The following TRA2B variants were observed in gnomAD, a reference collection of about 807,000 sequenced individuals.
The protein encoded by TRA2B is transformer 2 beta homolog, also known as transformer-2 protein homolog beta.
In TRA2B, 14 loss-of-function variants were observed where a neutral mutation model predicts 41.7. That is an observed-to-expected ratio of 0.34 (90% CI 0.22 to 0.53). The LOEUF (loss-of-function observed/expected upper bound fraction) is 0.53. Ranked by LOEUF, TRA2B falls within the 20% of genes least tolerant of loss-of-function variation. The pLI is 0.95. For synonymous variants in TRA2B, 130 were observed against 128.8 expected, an observed-to-expected ratio of 1.01 and a Z score of -0.06; for missense variants, 167 against 396.8, an observed-to-expected ratio of 0.42 and a Z score of 4.92.
At position 185,919,602 on chromosome 3, in the gene TRA2B, G is replaced by A. The variant is rs965881271; in HGVS notation, c.723-106C>T. ...AACTTTCATAGAGCATGAATGAGAT[G>A]TTTCTTGCAGGTCAAGTGATTTGCC... On this transcript the variant is annotated intron_variant, in intron 6 of 8. Transcript: ENST00000453386. The A allele has an allele frequency of 2.7e-5, 24 of 876,678 alleles. No homozygotes were observed. In the African/African-American group the frequency reaches 2.9e-4, roughly 11 times the overall value. The allele number at this position is 876,678 out of a possible 1,614,324, so 54.3% of individuals were successfully genotyped here.
Position 185,915,366 on chromosome 3 carries a change from C to T in TRA2B, c.*2349G>A, listed in dbSNP as rs1190163430. 6.6e-6 allele frequency among the ~76,000 whole-genome samples: 1 copy of T among 152,236 alleles called. No homozygotes were observed. On this transcript the variant is annotated 3_prime_UTR_variant, in exon 9 of 9. Coordinates refer to ENST00000453386, the MANE Select transcript of TRA2B (RefSeq NM_004593.3). ...GTTTGTATTGGCATATAAAAGCCTC[C>T]AAGTCCCTTTGCCTTGAGGCAGTAA...
chr3:185,921,423 C>G (rs372653947), intron 5 of TRA2B, among the ~76,000 whole-genome samples: 8 of 152,162 alleles, frequency 5.3e-5, no homozygotes, highest in African/African-American at 1.4e-4. Flanking sequence ...ATCTGCATAT[C>G]CCACATATTT....
At chr3:185,924,058 T>G in intron 3 of TRA2B, 74 bp from the exon 4 acceptor site, 1 of 1,345,370 alleles carries the variant, frequency 7.4e-7, no homozygotes, top group Non-Finnish European at 1.0e-6. Flanking sequence ...GGGAGCTGTA[T>G]ACTAGCCAAA....
chr3:185,923,080 G>A (rs1019565065), intron 4 of TRA2B: 1 of 152,326 alleles, frequency 6.6e-6, no homozygotes, highest in Non-Finnish European at 1.5e-5. Context: ...TTGGGAGTTC[G>A]AGACCACCCT....
In TRA2B at chr3:185,919,514, C is replaced by A; in HGVS notation, c.723-18G>T. On this transcript the variant is annotated intron_variant, in intron 6 of 8. Transcript: ENST00000453386. The stretch of plus-strand genomic sequence containing the variant: ...CTCCTCCTCTGTGAAGACAGAAAGG[C>A]AACACAACACGCATTCAGTTTGTAA... 1 of 1,601,734 alleles carries A rather than the reference C, an allele frequency of 6.2e-7. No homozygotes were observed.
intron 1 of TRA2B, chr3:185,931,427 TTAAC>T (rs879673263): frequency 4.4e-5 from 20 of 455,274 alleles, no homozygotes; most frequent in Non-Finnish European, 5.8e-5. Context: ...TTTCAATCAT[TTAAC>T]TAAGCAGTTA....
chr3:185,918,552 G>GCATGA, intron 7 of TRA2B, 114 bp from the exon 8 acceptor site: 2 of 593,624 alleles, frequency 3.4e-6, no homozygotes, highest in South Asian at 5.7e-5. Context: ...AAGGAAAGCT[G>GCATGA]CATGAACCTT....
At chr3:185,925,771 T>G (rs1205328851) in intron 2 of TRA2B, 145 bp from the exon 3 acceptor site, 1 of 827,564 alleles carries the variant, frequency 1.2e-6, no homozygotes, top group African/African-American at 1.8e-5. Flanking sequence ...AATACTTTTC[T>G]TCTCTAATTA....
intron 4 of TRA2B, chr3:185,922,384 C>T: frequency 7.0e-6 from 2 of 284,742 alleles, no homozygotes; most frequent in Non-Finnish European, 1.3e-5. Flanking sequence ...CAAAGCAGCA[C>T]ACAATTGGCA....
chr3:185,932,420 T>G (rs1407320005), intron 1 of TRA2B, among the ~76,000 whole-genome samples: 1 of 152,148 alleles, frequency 6.6e-6, no homozygotes, highest in African/African-American at 2.4e-5. Flanking sequence ...GGAGCTTAAG[T>G]GTAACCCACC....
At chr3:185,934,697 T>G in intron 1 of TRA2B, 1 of 985,264 alleles carries the variant, frequency 1.0e-6, no homozygotes, top group Non-Finnish European at 1.2e-6. Context: ...AAATTAGAAT[T>G]TAGAGTTTAG....
At chr3:185,919,653 TTC>T (rs1430360395) in intron 6 of TRA2B, among the ~76,000 whole-genome samples, 157 bp from the exon 7 acceptor site, 4 of 152,172 alleles carry the variant, frequency 2.6e-5, no homozygotes, top group Non-Finnish European at 5.9e-5. Flanking sequence ...TGGCATAGGG[TTC>T]TCTCTGGTGG....
In TRA2B at chr3:185,927,485, T is replaced by C. The variant is rs571154270; in HGVS notation, c.37-751A>G. 7 of 152,324 alleles carry C rather than the reference T, an allele frequency of 4.6e-5. No homozygotes were observed. In the East Asian group the frequency reaches 5.8e-4, roughly 13 times the overall value. 9.4% of individuals were successfully genotyped at this position (152,324 alleles called of 1,614,324 possible). On this transcript the variant is annotated intron_variant, in intron 1 of 8. Transcript: ENST00000453386. ...ATGGAGATGAGCCAGGGCAAACTTATGGAAAACCAGGAATTAACCTAACTT... is the reference window on the plus strand; with the variant it reads ...ATGGAGATGAGCCAGGGCAAACTTACGGAAAACCAGGAATTAACCTAACTT...
rs768026967 is a variant in TRA2B, at chr3:185,935,771, G to A, written c.36+2054C>T. On this transcript the variant is annotated intron_variant, in intron 1 of 8. Transcript: ENST00000453386. ...AAGCCTAGACACGTGTTTGATTCAG[G>A]TGTATTCCAACCCTTAAAGGTTCCA... The A allele has an allele frequency of 6.1e-6, 6 of 985,338 alleles. No homozygotes were observed. The South Asian group carries it at 2.3e-4, about 39-fold the overall frequency. 61.0% of individuals were successfully genotyped at this position (985,338 alleles called of 1,614,324 possible).
chr3:185,919,555 GTCAT>G lies in TRA2B; in HGVS notation c.723-63_723-60del. 4.9e-6 allele frequency: 7 copies of G among 1,427,170 alleles called. No individual in the cohort carries two copies. In the South Asian group the frequency reaches 6.2e-5, roughly 13 times the overall value. The allele number at this position is 1,427,170 out of a possible 1,614,324, so 88.4% of individuals were successfully genotyped here. On this transcript the variant is annotated intron_variant, in intron 6 of 8. Coordinates refer to ENST00000453386, the MANE Select transcript of TRA2B (RefSeq NM_004593.3). Reference sequence around the variant, plus strand: ...CAGTTTGTAAGTTTTAAAAAATTATGTCATTCATTTAGTAAAATAAAAACTTTCA... The same window carrying G: ...CAGTTTGTAAGTTTTAAAAAATTATGTCATTTAGTAAAATAAAAACTTTCA...
intron 1 of TRA2B, among the ~76,000 whole-genome samples, chr3:185,929,524 A>T (rs753068612): frequency 6.6e-6 from 1 of 152,192 alleles, no homozygotes; most frequent in African/African-American, 2.4e-5. Context: ...CCCTGAAAAA[A>T]TGCTCAGGAA....
chr3:185,936,153 A>G (rs1359658717), intron 1 of TRA2B: 1 of 985,282 alleles, frequency 1.0e-6, no homozygotes, highest in Admixed American at 6.1e-5. Flanking sequence ...GTCAGAAGCC[A>G]GTCATTTAGT....
chr3:185,925,406 C>CT (rs1201984226), intron 3 of TRA2B, 58 bp downstream of exon 3: 3 of 1,584,078 alleles, frequency 1.9e-6, no homozygotes, highest in Non-Finnish European at 2.6e-6. Context: ...TCAGCTCTAA[C>CT]TTTAAGAAAA....
rs1312379352 is a variant in TRA2B at position 185,937,566 on chromosome 3, CT to C, written c.36+258del. ...CGCAGCGGCCATTTTCATCTTCCCC[CT>C]CTTATAACGGGAAAAACGGCCGTCT... On this transcript the variant is annotated intron_variant, in intron 1 of 8. Transcript: ENST00000453386. The C allele has an allele frequency of 7.4e-6, 7 of 949,232 alleles. No homozygotes were observed. The Admixed American group carries it at 2.8e-4, about 38-fold the overall frequency. The allele number at this position is 949,232 out of a possible 1,614,324, so 58.8% of individuals were successfully genotyped here.
Sources: allele counts gnomAD v4.1 joint callset (sites outside exome capture counted in the v4.1 genomes callset), GRCh38; gene constraint gnomAD v4.1.1; transcripts MANE v1.5; gene names NCBI Gene and HGNC (gene_info 2026-07-23, HGNC 2026-07-21).